The following ZNF423 variants were observed in gnomAD, a reference collection of about 807,000 sequenced individuals.
ZNF423 encodes Ebf-associated zinc finger protein.
In ZNF423, 12 loss-of-function variants were observed where a neutral mutation model predicts 95.8. The observed-to-expected ratio is 0.13, with a 90% CI of 0.08 to 0.20. The LOEUF is 0.20. Ranked by LOEUF, ZNF423 falls within the 10% of genes least tolerant of loss-of-function variation. ZNF423 has a pLI of 1.00. For synonymous variants in ZNF423, 749 were observed against 711.9 expected (o/e 1.05, Z -0.83); for missense variants, 1,316 against 1,737.1 (o/e 0.76, Z 4.31).
intron 1 of ZNF423, among the ~76,000 whole-genome samples, chr16:49,848,160 T>A (rs900586462): frequency 2.3e-4 from 35 of 152,136 alleles, no homozygotes; most frequent in African/African-American, 8.4e-4. Context: ...GTATATTTTA[T>A]CAAAATTGCT....
chr16:49,518,600 G>T, intron 7 of ZNF423: 1 of 406,166 alleles, frequency 2.5e-6, no homozygotes, highest in Non-Finnish European at 4.7e-6. Flanking sequence ...AAAAAAAAAA[G>T]TCTCCCCTAT....
chr16:49,716,560 C>G (rs926171239), intron 3 of ZNF423, among the ~76,000 whole-genome samples: 3 of 152,194 alleles, frequency 2.0e-5, no homozygotes, highest in Non-Finnish European at 4.4e-5. Flanking sequence ...ATTTTATAAT[C>G]CCCTGTACAT....
chr16:49,637,012 T>A lies in ZNF423; in HGVS notation c.2164A>T (p.Met722Leu). The A allele has an allele frequency of 6.2e-7, 1 of 1,613,948 alleles. No homozygotes were observed. Residue 722 changes from methionine to leucine, a missense_variant, in exon 4 of 8, where the codon ATG (methionine) becomes TTG (leucine). Around this residue, in one of 6 missense-constraint regions of ZNF423, gnomAD observed 620 missense variants for 775.6 expected, o/e 0.80. Coordinates refer to ENST00000563137, the MANE Select transcript of ZNF423 (RefSeq NM_001379286.1). This position sits in a 1 kb window ranked among gnomAD's most constrained non-coding sequence, Gnocchi z 5.6. The part of the protein sequence containing the change: ...VDDLQKHLLD[M>L]HTFVLYHCTL... ...CAGTGGTACAACACAAAGGTGTGCA[T>A]GTCCAGCAGGTGCTTCTGCAGGTCA...
At chr16:49,682,191 C>T (rs531472899) in intron 3 of ZNF423, among the ~76,000 whole-genome samples, 4 of 152,278 alleles carry the variant, frequency 2.6e-5, no homozygotes, top group African/African-American at 7.2e-5. Context: ...TGCCTTTCTG[C>T]CTGCTCCTGT....
At chr16:49,653,416 G>A (rs189959350) in intron 3 of ZNF423, among the ~76,000 whole-genome samples, 13 of 151,896 alleles carry the variant, frequency 8.6e-5, no homozygotes, top group East Asian at 1.9e-4. Flanking sequence ...ATTGGTACCC[G>A]GAACAATTTA....
chr16:49,504,301 C>G (rs937447484), intron 7 of ZNF423, among the ~76,000 whole-genome samples: 1 of 152,196 alleles, frequency 6.6e-6, no homozygotes, highest in African/African-American at 2.4e-5. Flanking sequence ...CACAGTGGCT[C>G]ACACCTGTAA....
chr16:49,745,987 C>A (rs1244483669), intron 2 of ZNF423, among the ~76,000 whole-genome samples: 1 of 152,042 alleles, frequency 6.6e-6, no homozygotes, highest in Non-Finnish European at 1.5e-5. Context: ...AGAGAAATAC[C>A]CTAAAATGAG....
chr16:49,625,388 A>T (rs1302328657), intron 5 of ZNF423, among the ~76,000 whole-genome samples: 1 of 152,212 alleles, frequency 6.6e-6, no homozygotes, highest in East Asian at 1.9e-4. Context: ...AGTTCAACCC[A>T]TGGCTGCAAC....
chr16:49,858,300 C>T (rs911082394), upstream of ZNF423, among the ~76,000 whole-genome samples: 3 of 150,420 alleles, frequency 2.0e-5, no homozygotes, highest in Non-Finnish European at 3.0e-5. This position sits in a 1 kb window ranked among gnomAD's most constrained non-coding sequence, Gnocchi z 4.3. Flanking sequence ...TGCCGGCCAG[C>T]CGGGCCCGGC....
rs35731470 is a variant in ZNF423, at chr16:49,612,409, T to TAA, written c.3601+13759_3601+13760dup. ...GTGCATGGTCTCACAATAGGTACAG[T>TAA]AAAAAAAAAAAAAAAAGACAAAAAC... On this transcript the variant is annotated intron_variant, in intron 5 of 7. Transcript: ENST00000563137. Among the ~76,000 whole-genome samples the TAA allele has an allele frequency of 1.9e-4, 25 of 128,972 alleles. 1 individual carries two copies. The highest frequency in any genetic ancestry group is 1.2e-3 in the Admixed American group (15 of 12,604). The allele number at this position is 128,972 out of a possible 152,430, so 84.6% of individuals were successfully genotyped here.
intron 1 of ZNF423, among the ~76,000 whole-genome samples, chr16:49,823,069 G>A (rs1441412353): frequency 2.0e-5 from 3 of 152,186 alleles, no homozygotes; most frequent in African/African-American, 7.2e-5. Flanking sequence ...AAAGCAGAGA[G>A]GCCCGAGTCG....
At chr16:49,499,092 G>T (rs1967278301) in intron 7 of ZNF423, among the ~76,000 whole-genome samples, 1 of 152,172 alleles carries the variant, frequency 6.6e-6, no homozygotes, top group Admixed American at 6.5e-5. Context: ...CACCCAGCAA[G>T]CCGAGGTTTG....
chr16:49,571,322 A>G (rs1970347595), intron 5 of ZNF423, among the ~76,000 whole-genome samples: 1 of 152,054 alleles, frequency 6.6e-6, no homozygotes, highest in African/African-American at 2.4e-5. Context: ...CCAGCCAGGG[A>G]GGAAGATATT....
intron 5 of ZNF423, among the ~76,000 whole-genome samples, chr16:49,580,134 A>G (rs1454060145): frequency 6.6e-6 from 1 of 152,168 alleles, no homozygotes; most frequent in African/African-American, 2.4e-5. Context: ...TAGTCCTGCA[A>G]TAATTTCCTA....
chr16:49,580,749 C>T (rs970315287), intron 5 of ZNF423, among the ~76,000 whole-genome samples: 3 of 152,136 alleles, frequency 2.0e-5, no homozygotes, highest in Non-Finnish European at 4.4e-5. Flanking sequence ...AGAGATTCCA[C>T]ATTCGAGGGT....
chr16:49,785,058 C>G (rs757199993), intron 2 of ZNF423, among the ~76,000 whole-genome samples: 2 of 150,714 alleles, frequency 1.3e-5, no homozygotes, highest in African/African-American at 2.4e-5. Context: ...TTATTTTTTT[C>G]TTTTTCTTTT....
intron 1 of ZNF423, among the ~76,000 whole-genome samples, chr16:49,818,034 C>T (rs1036623984): frequency 2.0e-5 from 3 of 152,148 alleles, no homozygotes; most frequent in East Asian, 1.9e-4. Flanking sequence ...TATTCCATCA[C>T]CACCAAAGGC....
rs1290268432 is a variant in ZNF423, at chr16:49,657,862, C to T, written c.302-18988G>A. On this transcript the variant is annotated intron_variant, in intron 3 of 7. Coordinates refer to ENST00000563137, the MANE Select transcript of ZNF423 (RefSeq NM_001379286.1). The stretch of plus-strand genomic sequence containing the variant: ...AGATGGTGGTGTCAGACTTGGAAGC[C>T]ATGTCTTTCAGCCTGCATAGCCTCC... Among the ~76,000 whole-genome samples, 20 of 152,206 alleles carry T rather than the reference C, an allele frequency of 1.3e-4. 1 individual carries two copies. Among genetic ancestry groups the T allele is most frequent in the Admixed American group, 1.3e-3 (20 of 15,278 alleles).
At chr16:49,579,646 G>A (rs1970604119) in intron 5 of ZNF423, among the ~76,000 whole-genome samples, 1 of 152,160 alleles carries the variant, frequency 6.6e-6, no homozygotes, top group South Asian at 2.1e-4. Flanking sequence ...ACTGAGGCTT[G>A]CGTAGGAGTA....
Sources: gnomAD v4.1 joint callset for allele counts (sites outside exome capture counted in the v4.1 genomes callset) on GRCh38, gnomAD v4.1.1 for gene constraint, gnomAD v4.1.1 regional missense constraint, Gnocchi (gnomAD v3.1) non-coding constraint, MANE v1.5 for transcripts, NCBI Gene and HGNC (gene_info 2026-07-23, HGNC 2026-07-21) for gene names.